NBEAL2: variants seen among roughly 807,000 people sequenced by gnomAD.
The protein encoded by NBEAL2 is neurobeachin like 2.
NBEAL2 carries 160 observed loss-of-function variants against 299.8 expected under a neutral mutation model. The observed-to-expected ratio is 0.53, with a 90% CI of 0.47 to 0.61. NBEAL2 has a LOEUF of 0.61. NBEAL2 is among the 20% of genes least tolerant of loss of function. The probability of loss-of-function intolerance (pLI) is 0.00; values close to 1 mark genes in which losing one functional copy is unlikely to be tolerated. For missense variants in NBEAL2, 3,112 were observed against 3,649.0 expected, an observed-to-expected ratio of 0.85 and a Z score of 3.79; for synonymous variants, 1,493 against 1,542.3, an observed-to-expected ratio of 0.97 and a Z score of 0.75.
rs766588544 is a variant in NBEAL2, at chr3:46,991,423, T to C, written c.660T>C (p.Ala220=). The stretch of plus-strand genomic sequence containing the variant: ...ACCTGCAGGAGAACGGGCAGATGGC[T>C]GTAAGTGATGGCTCTGTGAAGGGCC... ...LAGGKENGQM[A]VSDGSVKGLL... is the part of the protein sequence containing the mutation. The change falls in exon 8 of 54, where the codon GCT becomes GCC. Residue 220 remains alanine (A), a synonymous_variant. Coordinates refer to ENST00000450053, the MANE Select transcript of NBEAL2 (RefSeq NM_015175.3). The surrounding 1 kb of genome is among the most constrained non-coding windows in gnomAD (Gnocchi z 6.2). The C allele has an allele frequency of 6.2e-7, 1 of 1,607,416 alleles. No homozygotes were observed. Among genetic ancestry groups the C allele is most frequent in the African/African-American group, 1.3e-5 (1 of 74,870 alleles).
Position 47,005,265 on chromosome 3 carries a change from C to T in NBEAL2, c.6504C>T (p.His2168=). 1 of 1,613,452 alleles carries T rather than the reference C, an allele frequency of 6.2e-7. No homozygotes were observed. Among genetic ancestry groups the T allele is most frequent in the South Asian group, 1.1e-5 (1 of 91,084 alleles). Residue 2168 remains histidine, a synonymous_variant, in exon 40 of 54, where the codon CAC becomes CAT. Coordinates refer to ENST00000450053, the MANE Select transcript of NBEAL2 (RefSeq NM_015175.3). ...ACTCCAATGCAGCAGGCGTGATGCACTACCTCATCCGCGTGGAGCCCTTCA... is the reference window on the plus strand; with the variant it reads ...ACTCCAATGCAGCAGGCGTGATGCATTACCTCATCCGCGTGGAGCCCTTCA... ...THYSNAAGVM[H]YLIRVEPFTS...
chr3:47,003,695 C>G lies in NBEAL2; in HGVS notation c.5721-121C>G, dbSNP rs2037202444. ...AGGTTCTGGACCCTAGGCAGCCCCTCCCCATCTCTGGGAGTCATGAGAGTA... is the reference window on the plus strand; with the variant it reads ...AGGTTCTGGACCCTAGGCAGCCCCTGCCCATCTCTGGGAGTCATGAGAGTA... On this transcript the variant is annotated intron_variant, in intron 35 of 53. Coordinates refer to ENST00000450053, the MANE Select transcript of NBEAL2 (RefSeq NM_015175.3). The surrounding 1 kb of genome is among the most constrained non-coding windows in gnomAD (Gnocchi z 7.0). 2 of 1,313,714 alleles carry G rather than the reference C, an allele frequency of 1.5e-6. No homozygotes were observed. The highest frequency in any genetic ancestry group is 5.5e-5 in the Admixed American group (2 of 36,148). 81.4% of individuals were successfully genotyped at this position (1,313,714 alleles called of 1,614,324 possible). A position where few individuals can be genotyped will look rare whatever the true frequency, so the allele number is the denominator to read the frequency against.
At position 46,988,067 on chromosome 3, in the gene NBEAL2, C is replaced by G; in HGVS notation, c.52-602C>G. The G allele has an allele frequency of 8.0e-7, 1 of 1,243,142 alleles. No homozygotes were observed. The highest frequency in any genetic ancestry group is 1.0e-6 in the Non-Finnish European group (1 of 967,526). 77.0% of individuals were successfully genotyped at this position (1,243,142 alleles called of 1,614,324 possible). ...TTGCCCATGGAACCAGCTCTGGGGCCTGGGGTCCAGGTAACCAGCAAGGGT... is the reference window on the plus strand; with the variant it reads ...TTGCCCATGGAACCAGCTCTGGGGCGTGGGGTCCAGGTAACCAGCAAGGGT... On this transcript the variant is annotated intron_variant, in intron 1 of 53. Coordinates refer to ENST00000450053, the MANE Select transcript of NBEAL2 (RefSeq NM_015175.3). This position sits in a 1 kb window ranked among gnomAD's most constrained non-coding sequence, Gnocchi z 4.4.
Position 46,989,048 on chromosome 3 carries a change from GTAT to G in NBEAL2, c.270-32_270-30del. On this transcript the variant is annotated intron_variant, in intron 3 of 53. Transcript: ENST00000450053. The surrounding 1 kb of genome is among the most constrained non-coding windows in gnomAD (Gnocchi z 5.5). ...GAGAGGGGACAAGGAGGGGCATGGTGTATTATTGTGACCTCTCTCATCATTGAC... is the reference window on the plus strand; with the variant it reads ...GAGAGGGGACAAGGAGGGGCATGGTGTATTGTGACCTCTCTCATCATTGAC... 6.2e-7 allele frequency: 1 copy of G among 1,612,036 alleles called. No homozygotes were observed. The highest frequency in any genetic ancestry group is 2.2e-5 in the East Asian group (1 of 44,806).
chr3:46,984,005 TA>T (rs924913640), intron 1 of NBEAL2, among the ~76,000 whole-genome samples: 10 of 150,756 alleles, frequency 6.6e-5, no homozygotes, highest in South Asian at 2.1e-4. Context: ...TTTCCTTGCT[TA>T]AAAAAAAATA....
Position 47,009,418 on chromosome 3 carries a change from AG to A in NBEAL2, c.*104del, listed in dbSNP as rs397708574. ...GGGAACACCCCGGGGTGGGCAGCCCAGGGGGGTGAGCGGGGCCCACCCTGCC... is the reference window on the plus strand; with the variant it reads ...GGGAACACCCCGGGGTGGGCAGCCCAGGGGGTGAGCGGGGCCCACCCTGCC... On this transcript the variant is annotated 3_prime_UTR_variant, in exon 54 of 54. Transcript: ENST00000450053. 542,711 of 1,028,966 alleles carry A rather than the reference AG, an allele frequency of 0.53. 151,667 individuals are homozygous for A. Among genetic ancestry groups the A allele is most frequent in the East Asian group, 0.56 (20,917 of 37,170 alleles). The allele number at this position is 1,028,966 out of a possible 1,614,324, so 63.7% of individuals were successfully genotyped here.
In NBEAL2 at chr3:46,988,438, G is replaced by A. The variant is rs2035830943; in HGVS notation, c.52-231G>A. ...GCTGAGAGAAGCAGTGGGGTGCCTGGAAAAGTGGTCAGTATGTACCTAACT... is the reference window on the plus strand; with the variant it reads ...GCTGAGAGAAGCAGTGGGGTGCCTGAAAAAGTGGTCAGTATGTACCTAACT... On this transcript the variant is annotated intron_variant, in intron 1 of 53. Coordinates refer to ENST00000450053, the MANE Select transcript of NBEAL2 (RefSeq NM_015175.3). This position sits in a 1 kb window ranked among gnomAD's most constrained non-coding sequence, Gnocchi z 4.4. Among the ~76,000 whole-genome samples, 2 of 152,098 alleles carry A rather than the reference G, an allele frequency of 1.3e-5. No homozygotes were observed.
chr3:46,994,373 C>G, intron 11 of NBEAL2, 82 bp from the exon 12 acceptor site: 1 of 1,296,400 alleles, frequency 7.7e-7, no homozygotes, highest in South Asian at 1.3e-5. Context: ...AAACATGATG[C>G]CCCTCCAGAG....
In NBEAL2 at chr3:47,005,262, G is replaced by GCACT; in HGVS notation, c.6502_6505dup (p.Tyr2169SerfsTer22). 1.9e-6 allele frequency: 3 copies of GCACT among 1,613,456 alleles called. No individual in the cohort carries two copies. Among genetic ancestry groups the GCACT allele is most frequent in the Non-Finnish European group, 2.5e-6 (3 of 1,179,876 alleles). ...ACTACTCCAATGCAGCAGGCGTGAT[G>GCACT]CACTACCTCATCCGCGTGGAGCCCT... On this transcript the variant is annotated frameshift_variant, in exon 40 of 54. Coordinates refer to ENST00000450053, the MANE Select transcript of NBEAL2 (RefSeq NM_015175.3). LOFTEE classifies it high-confidence loss of function.
At position 46,989,135 on chromosome 3, in the gene NBEAL2, T is replaced by C. The variant is rs774244502; in HGVS notation, c.320T>C (p.Val107Ala). Reference protein sequence around the residue: ...AGRGQVLVPRVLALLTKLVAE... With the variant: ...AGRGQVLVPRALALLTKLVAE... Reference sequence around the variant, plus strand: ...CGGGGCCAAGTGCTAGTGCCCCGAGTGCTGGCACTGTTGACCAAGTTGGTG... The same window carrying C: ...CGGGGCCAAGTGCTAGTGCCCCGAGCGCTGGCACTGTTGACCAAGTTGGTG... Residue 107 changes from valine (V) to alanine (A), a missense_variant, in exon 4 of 54, where the codon GTG (valine) becomes GCG (alanine). By Grantham distance (64) the Val-to-Ala change is moderately conservative. Coordinates refer to ENST00000450053, the MANE Select transcript of NBEAL2 (RefSeq NM_015175.3). The surrounding 1 kb of genome is among the most constrained non-coding windows in gnomAD (Gnocchi z 5.5). 6.2e-7 allele frequency: 1 copy of C among 1,613,784 alleles called. No homozygotes were observed. The highest frequency in any genetic ancestry group is 2.2e-5 in the East Asian group (1 of 44,852).
Position 47,002,928 on chromosome 3 carries a change from C to T in NBEAL2, c.5460-29C>T, listed in dbSNP as rs773277502. On this transcript the variant is annotated intron_variant, in intron 33 of 53. Coordinates refer to ENST00000450053, the MANE Select transcript of NBEAL2 (RefSeq NM_015175.3). Reference sequence around the variant, plus strand: ...GATGGGGGTGTCTACAGCCTTCTACCGACCCATGACCTGGGGGACATTCTG... The same window carrying T: ...GATGGGGGTGTCTACAGCCTTCTACTGACCCATGACCTGGGGGACATTCTG... The T allele has an allele frequency of 2.9e-5, 46 of 1,609,838 alleles. No homozygotes were observed. The East Asian group carries it at 5.1e-4, about 18-fold the overall frequency.
rs1347445784 is a variant in NBEAL2 at position 47,000,387 on chromosome 3, A to G, written c.4288A>G (p.Asn1430Asp). 1 of 1,574,026 alleles carries G rather than the reference A, an allele frequency of 6.4e-7. No individual in the cohort carries two copies. Among genetic ancestry groups the G allele is most frequent in the Non-Finnish European group, 8.6e-7 (1 of 1,157,068 alleles). The stretch of plus-strand genomic sequence containing the variant: ...CACCATTAGCGGGGATGATACCTCG[A>G]ACACCAGCAACCCACAGGTGAGGTG... ...EPTISGDDTS[N>D]TSNPQQTSEE... Residue 1430 changes from asparagine (N) to aspartate (D), a missense_variant, in exon 27 of 54, where the codon AAC becomes GAC. By Grantham distance (23) the Asn-to-Asp change is conservative. Around this residue, in one of 3 missense-constraint regions of NBEAL2, gnomAD observed 2,243 missense variants for 2,538.1 expected, o/e 0.88. Coordinates refer to ENST00000450053, the MANE Select transcript of NBEAL2 (RefSeq NM_015175.3). This position sits in a 1 kb window ranked among gnomAD's most constrained non-coding sequence, Gnocchi z 4.5.
In NBEAL2 at chr3:46,995,265, C is replaced by T. The variant is rs779905522; in HGVS notation, c.1530C>T (p.Ala510=). 6 of 1,560,296 alleles carry T rather than the reference C, an allele frequency of 3.8e-6. No homozygotes were observed. In the Middle Eastern group the frequency reaches 5.0e-4, roughly 130 times the overall value. The change falls in exon 13 of 54, where the codon GCC becomes GCT. Residue 510 remains alanine (A), a synonymous_variant. Transcript: ENST00000450053. ...ETLSTGLALE[A]RCQEQLLALL... Reference sequence around the variant, plus strand: ...TCAGCACAGGGCTAGCCCTGGAGGCCCGCTGCCAAGAGCAGCTGCTGGCAC... The same window carrying T: ...TCAGCACAGGGCTAGCCCTGGAGGCTCGCTGCCAAGAGCAGCTGCTGGCAC...
rs563986757 is a variant in NBEAL2 at position 47,005,769 on chromosome 3, C to T, written c.6723C>T (p.Asn2241=). The T allele has an allele frequency of 3.6e-5, 58 of 1,613,304 alleles. 1 individual carries two copies. The highest frequency in any genetic ancestry group is 2.5e-4 in the South Asian group (23 of 91,078). ...ACCTGGGCTGTCTCCAGCTGACCAACGAGAAGGTAGGCGATGTGGTGCTAC... is the reference window on the plus strand; with the variant it reads ...ACCTGGGCTGTCTCCAGCTGACCAATGAGAAGGTAGGCGATGTGGTGCTAC... ...GFDLGCLQLT[N]EKVGDVVLPP... is the part of the protein sequence containing the mutation. Residue 2241 remains asparagine (N), a synonymous_variant, in exon 42 of 54, where the codon AAC becomes AAT. Coordinates refer to ENST00000450053, the MANE Select transcript of NBEAL2 (RefSeq NM_015175.3).
chr3:47,004,165 C>T lies in NBEAL2; in HGVS notation c.5970C>T (p.Leu1990=), dbSNP rs978473102. 6.2e-7 allele frequency: 1 copy of T among 1,613,794 alleles called. No homozygotes were observed. Among genetic ancestry groups the T allele is most frequent in the Non-Finnish European group, 8.5e-7 (1 of 1,179,808 alleles). Residue 1990 remains leucine, a synonymous_variant, in exon 37 of 54, where the codon CTC becomes CTT. Transcript: ENST00000450053. The surrounding 1 kb of genome is among the most constrained non-coding windows in gnomAD (Gnocchi z 5.0). ...ACCTGCGCCGTTCAGCACTTGAGCT[C>T]TTCTTTATCGATCAGGCCAACTACT... ...RFNLRRSALE[L]FFIDQANYFL...
chr3:46,997,499 A>G lies in NBEAL2; in HGVS notation c.2825-62A>G. On this transcript the variant is annotated intron_variant, in intron 19 of 53. Transcript: ENST00000450053. ...GGCATGGTAGGGGGGTGGAATGCCC[A>G]AGGTCTCCTGGCCACTGGCAGGCCC... The G allele has an allele frequency of 3.8e-6, 6 of 1,589,304 alleles. No homozygotes were observed. In the South Asian group the frequency reaches 6.7e-5, roughly 18 times the overall value.
rs769740731 is a variant in NBEAL2, at chr3:46,991,804, G to C, written c.926-36G>C. The C allele has an allele frequency of 1.3e-6, 2 of 1,567,778 alleles. No individual in the cohort carries two copies. The highest frequency in any genetic ancestry group is 3.8e-5 in the Admixed American group (2 of 53,162). The stretch of plus-strand genomic sequence containing the variant: ...AGGAAGGCTTAAGGCTGCCTAGAGG[G>C]GTCTGGGCAGGGCCTGACCCTTGAC... On this transcript the variant is annotated intron_variant, in intron 8 of 53. Transcript: ENST00000450053. This position sits in a 1 kb window ranked among gnomAD's most constrained non-coding sequence, Gnocchi z 6.2.
chr3:46,981,205 G>GAC (rs2035309412), intron 1 of NBEAL2, among the ~76,000 whole-genome samples: 2 of 152,032 alleles, frequency 1.3e-5, no homozygotes, highest in Admixed American at 1.3e-4. Context: ...AGCACTTTGG[G>GAC]AGGCCGAGGC....
intron 47 of NBEAL2, 66 bp from the exon 48 acceptor site, chr3:47,007,459 C>T (rs1405750603): frequency 3.2e-6 from 5 of 1,566,232 alleles, no homozygotes; most frequent in Non-Finnish European, 4.3e-6. Context: ...TCTGGCCAGG[C>T]TCCCTGAGGG....
Sources: gnomAD v4.1 joint callset for allele counts (sites outside exome capture counted in the v4.1 genomes callset) on GRCh38, gnomAD v4.1.1 for gene constraint, gnomAD v4.1.1 regional missense constraint, Gnocchi (gnomAD v3.1) non-coding constraint, MANE v1.5 for transcripts, NCBI Gene and HGNC (gene_info 2026-07-23, HGNC 2026-07-21) for gene names.